The following TRIOBP variants were observed in gnomAD, a reference collection of about 807,000 sequenced individuals.
TRIOBP encodes TRIO and F-actin-binding protein.
TRIOBP carries 169 observed loss-of-function variants against 238.8 expected under a neutral mutation model. The observed-to-expected ratio is 0.71, with a 90% CI of 0.62 to 0.80. TRIOBP has a LOEUF of 0.80. Ranked by LOEUF, TRIOBP falls within the 30% of genes least tolerant of loss-of-function variation. The probability of loss-of-function intolerance (pLI) is 0.00; values close to 1 mark genes in which losing one functional copy is unlikely to be tolerated. For missense variants in TRIOBP, 2,838 were observed against 3,122.6 expected (o/e 0.91, Z 2.17); for synonymous variants, 1,150 against 1,274.4 (o/e 0.90, Z 2.08).
chr22:37,727,629 C>G (rs1569043577), intron 7 of TRIOBP, among the ~76,000 whole-genome samples: 1 of 152,108 alleles, frequency 6.6e-6, no homozygotes, highest in Non-Finnish European at 1.5e-5. Context: ...GATCGTACCA[C>G]TGCACTCCAA....
chr22:37,764,145 C>G (rs1002783242), intron 17 of TRIOBP, among the ~76,000 whole-genome samples: 1 of 152,206 alleles, frequency 6.6e-6, no homozygotes, highest in African/African-American at 2.4e-5. Context: ...ATTTTAAGGT[C>G]AGCTGATTAG....
At chr22:37,705,141 G>A (rs542329429) in intron 3 of TRIOBP, among the ~76,000 whole-genome samples, 36 of 152,032 alleles carry the variant, frequency 2.4e-4, no homozygotes, top group African/African-American at 8.2e-4. Context: ...TTACGAGGCC[G>A]AGACGGGTGG....
chr22:37,734,902 C>T lies in TRIOBP; in HGVS notation c.4566C>T (p.Pro1522=), dbSNP rs1331379193. 6.2e-6 allele frequency: 10 copies of T among 1,613,140 alleles called. No individual in the cohort carries two copies. Among genetic ancestry groups the T allele is most frequent in the African/African-American group, 2.7e-5 (2 of 74,934 alleles). Residue 1522 remains proline, a synonymous_variant, in exon 9 of 24, where the codon CCC becomes CCT. Transcript: ENST00000644935. ...LTSPPENWGG[P]AESSQSWHSG... ...GCCCCCCTGAGAACTGGGGAGGCCC[C>T]GCAGAGTCCTCACAATCCTGGCACT...
At chr22:37,752,173 C>T (rs1251802451) in intron 12 of TRIOBP, among the ~76,000 whole-genome samples, 2 of 151,762 alleles carry the variant, frequency 1.3e-5, no homozygotes. Context: ...ATTCCTAAAG[C>T]CTGGTCTGAG....
chr22:37,725,394 G>C lies in TRIOBP; in HGVS notation c.2838G>C (p.Arg946Ser), dbSNP rs372711786. 62 of 1,610,880 alleles carry C rather than the reference G, an allele frequency of 3.8e-5. No homozygotes were observed. The highest frequency in any genetic ancestry group is 2.3e-4 in the South Asian group (21 of 90,938). Residue 946 changes from arginine to serine, a missense_variant, in exon 7 of 24, where the codon AGG (arginine) becomes AGC (serine). Around this residue, in one of 5 missense-constraint regions of TRIOBP, gnomAD observed 2,096 missense variants for 2,137.4 expected, o/e 0.98. Transcript: ENST00000644935. ...CCCTCCGGCCAACCCAAGGTGACAGGCCTCAGACATCCTCTCCCAGCAGGC... is the reference window on the plus strand; with the variant it reads ...CCCTCCGGCCAACCCAAGGTGACAGCCCTCAGACATCCTCTCCCAGCAGGC... ...SIALRPTQGD[R>S]PQTSSPSRPA...
At chr22:37,718,328 A>G (rs1488819954) in intron 6 of TRIOBP, among the ~76,000 whole-genome samples, 1 of 152,212 alleles carries the variant, frequency 6.6e-6, no homozygotes, top group Non-Finnish European at 1.5e-5. Context: ...AAGTGCCGCC[A>G]AAGTGGGAGC....
chr22:37,721,594 C>T (rs1923833035), intron 6 of TRIOBP, among the ~76,000 whole-genome samples: 1 of 152,242 alleles, frequency 6.6e-6, no homozygotes, highest in Non-Finnish European at 1.5e-5. Context: ...CCTCCGGCCT[C>T]AGCCTCCTAG....
At chr22:37,743,158 T>C (rs1291206942) in intron 11 of TRIOBP, among the ~76,000 whole-genome samples, 1 of 152,126 alleles carries the variant, frequency 6.6e-6, no homozygotes, top group Non-Finnish European at 1.5e-5. Flanking sequence ...TTCTCTCATG[T>C]GGGAGTGAGG....
At position 37,725,841 on chromosome 22, in the gene TRIOBP, G is replaced by A. The variant is rs748215577; in HGVS notation, c.3285G>A (p.Glu1095=). The A allele has an allele frequency of 1.9e-6, 3 of 1,604,882 alleles. No individual in the cohort carries two copies. Among genetic ancestry groups the A allele is most frequent in the Middle Eastern group, 1.7e-4 (1 of 6,018 alleles). Residue 1095 remains glutamate, a synonymous_variant, in exon 7 of 24, where the codon GAG becomes GAA. Transcript: ENST00000644935. ...FPFLPDTSDA[E]HQCQSPQHEP... is the part of the protein sequence containing the mutation. ...TCCTCCCAGACACATCAGATGCCGA[G>A]CATCAGTGTCAGTCCCCCCAACACG...
At position 37,712,738 on chromosome 22, in the gene TRIOBP, C is replaced by T. The variant is rs555072795; in HGVS notation, c.255-472C>T. 9.0e-3 allele frequency among the ~76,000 whole-genome samples: 1,371 copies of T among 151,800 alleles called. 10 individuals are homozygous for T. Among genetic ancestry groups the T allele is most frequent in the Non-Finnish European group, 0.014 (964 of 67,928 alleles). On this transcript the variant is annotated intron_variant, in intron 4 of 23. Transcript: ENST00000644935. ...TTGGGAGTCCGAGACGGGCGGATCA[C>T]GAGGTCAGGAGATCGAGACCATCCT...
rs766616485 is a variant in TRIOBP at position 37,724,655 on chromosome 22, G to T, written c.2099G>T (p.Cys700Phe). The T allele has an allele frequency of 3.1e-6, 5 of 1,608,696 alleles. No individual in the cohort carries two copies. The Admixed American group carries it at 5.0e-5, about 16-fold the overall frequency. ...TIQQENPRTS[C>F]AQRDDPRASS... Reference sequence around the variant, plus strand: ...CAACAAGAGAACCCCAGAACATCCTGTGCCCAACGGGACGATCCCAGAGCC... The same window carrying T: ...CAACAAGAGAACCCCAGAACATCCTTTGCCCAACGGGACGATCCCAGAGCC... Residue 700 changes from cysteine (C) to phenylalanine (F), a missense_variant, in exon 7 of 24, where the codon TGT becomes TTT. Around this residue, in one of 5 missense-constraint regions of TRIOBP, gnomAD observed 167 missense variants for 200.2 expected, o/e 0.83. Coordinates refer to ENST00000644935, the MANE Select transcript of TRIOBP (RefSeq NM_001039141.3).
At position 37,775,150 on chromosome 22, in the gene TRIOBP, C is replaced by T. The variant is rs1035624549; in HGVS notation, c.*1370C>T. Reference sequence around the variant, plus strand: ...GAAACAGGCCACATCCAGTAGGGGTCCTGGAAGGCTGTGAGAACCCAGAGG... The same window carrying T: ...GAAACAGGCCACATCCAGTAGGGGTTCTGGAAGGCTGTGAGAACCCAGAGG... On this transcript the variant is annotated 3_prime_UTR_variant, in exon 24 of 24. Transcript: ENST00000644935. 2 of 152,156 alleles carry T rather than the reference C, an allele frequency of 1.3e-5. No homozygotes were observed. Among genetic ancestry groups the T allele is most frequent in the African/African-American group, 4.8e-5 (2 of 41,414 alleles). The allele number at this position is 152,156 out of a possible 1,614,324, so 9.4% of individuals were successfully genotyped here. A position where few individuals can be genotyped will look rare whatever the true frequency, so the allele number is the denominator to read the frequency against.
chr22:37,751,774 C>G lies in TRIOBP; in HGVS notation c.5325C>G (p.Pro1775=). Residue 1775 remains proline (P), a splice_region_variant and synonymous_variant, in exon 12 of 24, where the codon CCC becomes CCG. Coordinates refer to ENST00000644935, the MANE Select transcript of TRIOBP (RefSeq NM_001039141.3). ...CCTCCCTCCTCATCTCCCCACAGCC[C>G]GATCTGCTCAACTTCAAGAAGGGAT... ...LSLGVLRWRR[P]DLLNFKKGWM... The G allele has an allele frequency of 6.2e-7, 1 of 1,614,120 alleles. No homozygotes were observed. Among genetic ancestry groups the G allele is most frequent in the Non-Finnish European group, 8.5e-7 (1 of 1,180,006 alleles).
chr22:37,719,921 A>G (rs1243205710), intron 6 of TRIOBP, among the ~76,000 whole-genome samples: 1 of 146,046 alleles, frequency 6.8e-6, no homozygotes. Context: ...CTGCCAATTT[A>G]TACAACCCAG....
intron 3 of TRIOBP, among the ~76,000 whole-genome samples, chr22:37,708,912 A>G (rs1358096279): frequency 6.6e-6 from 1 of 152,094 alleles, no homozygotes; most frequent in African/African-American, 2.4e-5. Context: ...CTGGGGTGAA[A>G]GCCAGGATGA....
intron 15 of TRIOBP, among the ~76,000 whole-genome samples, chr22:37,756,398 C>G (rs774398069): frequency 6.6e-5 from 10 of 152,188 alleles, no homozygotes; most frequent in Non-Finnish European, 2.9e-5. Context: ...CTGGCCACAC[C>G]GCGGCTATTC....
At position 37,738,719 on chromosome 22, in the gene TRIOBP, G is replaced by A. The variant is rs750219536; in HGVS notation, c.5184G>A (p.Ser1728=). Residue 1728 remains serine, a splice_region_variant and synonymous_variant, in exon 10 of 24, where the codon TCG becomes TCA. Transcript: ENST00000644935. ...DPLTDQKQAD[S]ADKRPAEGKA... ...TGACTGACCAGAAGCAGGCAGACTCGGTAGCTGGGTCATGGGTGTGGGTAC... is the reference window on the plus strand; with the variant it reads ...TGACTGACCAGAAGCAGGCAGACTCAGTAGCTGGGTCATGGGTGTGGGTAC... The A allele has an allele frequency of 3.0e-5, 49 of 1,613,768 alleles. No homozygotes were observed. The highest frequency in any genetic ancestry group is 6.7e-5 in the East Asian group (3 of 44,900).
intron 7 of TRIOBP, 62 bp downstream of exon 7, chr22:37,726,565 GA>G: frequency 7.1e-7 from 1 of 1,406,866 alleles, no homozygotes. Flanking sequence ...CAGGACAGGT[GA>G]AGGGTTAGGG....
chr22:37,771,795 C>G, intron 22 of TRIOBP, 59 bp downstream of exon 22: 1 of 1,445,764 alleles, frequency 6.9e-7, no homozygotes. Flanking sequence ...TGGATGCCAT[C>G]CTGTGAGCAC....
Sources: gnomAD v4.1 joint callset for allele counts (sites outside exome capture counted in the v4.1 genomes callset) on GRCh38, gnomAD v4.1.1 for gene constraint, gnomAD v4.1.1 regional missense constraint, MANE v1.5 for transcripts, NCBI Gene and HGNC (gene_info 2026-07-23, HGNC 2026-07-21) for gene names.